ACOT7: variants seen among roughly 807,000 people sequenced by gnomAD.
ACOT7 encodes cytosolic acyl coenzyme A thioester hydrolase.
Under a neutral mutation model 40.2 loss-of-function variants are expected in ACOT7, and 12 were observed. That is an observed-to-expected ratio of 0.30 (90% CI 0.19 to 0.48). The LOEUF is 0.48. Among genes scored for constraint, ACOT7 ranks in the 20% least tolerant of loss-of-function variants. The probability of loss-of-function intolerance (pLI) is 0.99; values close to 1 mark genes in which losing one functional copy is unlikely to be tolerated. For missense variants in ACOT7, 395 were observed against 530.8 expected (o/e 0.74, Z 2.51); for synonymous variants, 228 against 219.5 (o/e 1.04, Z -0.34).
At chr1:6,390,316 A>G (rs1420454737) in intron 1 of ACOT7, among the ~76,000 whole-genome samples, 5 of 152,084 alleles carry the variant, frequency 3.3e-5, no homozygotes, top group Non-Finnish European at 7.4e-5. Context: ...CATGCCTGTA[A>G]TTCTCAGCAC....
chr1:6,361,104 G>A (rs1641883705), intron 1 of ACOT7, among the ~76,000 whole-genome samples: 3 of 152,116 alleles, frequency 2.0e-5, no homozygotes, highest in Admixed American at 2.0e-4. Context: ...CGGATGGGTA[G>A]GTAAACAAAA....
Position 6,336,129 on chromosome 1 carries a change from G to A in ACOT7, c.419-2561C>T, listed in dbSNP as rs568283557. On this transcript the variant is annotated intron_variant, in intron 3 of 8. Coordinates refer to ENST00000361521, the MANE Select transcript of ACOT7 (RefSeq NM_007274.4). ...TGGCAGGCCGAGGCAGGCGGATCAC[G>A]AGCTCAGAATCGAGACCATGCTGGC... Among the ~76,000 whole-genome samples, 30 of 152,140 alleles carry A rather than the reference G, an allele frequency of 2.0e-4. No homozygotes were observed. The South Asian group carries it at 2.5e-3, about 13-fold the overall frequency.
intron 6 of ACOT7, among the ~76,000 whole-genome samples, chr1:6,316,868 T>G (rs188572412): frequency 5.3e-5 from 8 of 152,122 alleles, no homozygotes; most frequent in Non-Finnish European, 7.4e-5. Flanking sequence ...CTCTCACTCA[T>G]GGAGTAAGTA....
chr1:6,309,860 A>G (rs1371125806), intron 6 of ACOT7, among the ~76,000 whole-genome samples: 1 of 152,262 alleles, frequency 6.6e-6, no homozygotes, highest in Non-Finnish European at 1.5e-5. Context: ...AAACTAATAA[A>G]GTAAATGTAA....
At chr1:6,336,122 G>A (rs918574630) in intron 3 of ACOT7, among the ~76,000 whole-genome samples, 25 of 152,176 alleles carry the variant, frequency 1.6e-4, no homozygotes, top group African/African-American at 5.8e-4. Flanking sequence ...CGAGGCAGGC[G>A]GATCACGAGC....
intron 1 of ACOT7, among the ~76,000 whole-genome samples, chr1:6,375,002 G>A (rs1211810243): frequency 2.0e-5 from 3 of 152,138 alleles, no homozygotes; most frequent in Non-Finnish European, 4.4e-5. Flanking sequence ...GACAGGCCGG[G>A]CGCGGTGGCT....
At chr1:6,320,664 G>A (rs1273131095) in intron 5 of ACOT7, among the ~76,000 whole-genome samples, 1 of 152,118 alleles carries the variant, frequency 6.6e-6, no homozygotes, top group African/African-American at 2.4e-5. Flanking sequence ...TTTCACACCC[G>A]CTGCAGGGCA....
chr1:6,362,851 A>T (rs1050907532), intron 1 of ACOT7, among the ~76,000 whole-genome samples: 1 of 151,944 alleles, frequency 6.6e-6, no homozygotes, highest in African/African-American at 2.4e-5. Flanking sequence ...GGAGCTGGAG[A>T]CTCTTCTAGG....
chr1:6,344,100 G>A (rs1325451392), intron 2 of ACOT7, among the ~76,000 whole-genome samples: 1 of 152,238 alleles, frequency 6.6e-6, no homozygotes, highest in Admixed American at 6.5e-5. Flanking sequence ...TGGTACCACA[G>A]GGAGAGGAAA....
At position 6,274,973 on chromosome 1, in the gene ACOT7, C is replaced by T. The variant is rs543137249; in HGVS notation, c.1014+6129G>A. On this transcript the variant is annotated intron_variant, in intron 8 of 8. Transcript: ENST00000361521. This position sits in a 1 kb window ranked among gnomAD's most constrained non-coding sequence, Gnocchi z 5.9. Reference sequence around the variant, plus strand: ...CATCGATGACAGCAGTGAGCGGCCCCCTTTCCCAGTCAGTGAAGTCACAGA... The same window carrying T: ...CATCGATGACAGCAGTGAGCGGCCCTCTTTCCCAGTCAGTGAAGTCACAGA... 4.6e-5 allele frequency among the ~76,000 whole-genome samples: 7 copies of T among 152,352 alleles called. No individual in the cohort carries two copies. Among genetic ancestry groups the T allele is most frequent in the African/African-American group, 1.4e-4 (6 of 41,586 alleles).
chr1:6,317,493 T>G (rs1450181164), intron 6 of ACOT7, among the ~76,000 whole-genome samples: 1 of 152,146 alleles, frequency 6.6e-6, no homozygotes, highest in Non-Finnish European at 1.5e-5. Flanking sequence ...CTGTACTTAC[T>G]GGGAAAAAAT....
At chr1:6,284,705 C>T (rs1269710668) in intron 7 of ACOT7, among the ~76,000 whole-genome samples, 1 of 152,098 alleles carries the variant, frequency 6.6e-6, no homozygotes, top group Non-Finnish European at 1.5e-5. Flanking sequence ...GGCCCCCCTG[C>T]AGCATCGAGG....
chr1:6,268,685 C>G (rs1022620439), intron 8 of ACOT7, among the ~76,000 whole-genome samples: 2 of 152,246 alleles, frequency 1.3e-5, no homozygotes, highest in South Asian at 2.1e-4. Context: ...CGGCACGGCC[C>G]GAACGGCAGG....
chr1:6,294,789 A>G lies in ACOT7; in HGVS notation c.829+75T>C. Reference sequence around the variant, plus strand: ...GGCCCACATGACCCTGGGTGTGAACAGAAAACAAACTGGTGCAGGGACCCA... The same window carrying G: ...GGCCCACATGACCCTGGGTGTGAACGGAAAACAAACTGGTGCAGGGACCCA... On this transcript the variant is annotated intron_variant, in intron 7 of 8. Coordinates refer to ENST00000361521, the MANE Select transcript of ACOT7 (RefSeq NM_007274.4). The surrounding 1 kb of genome is among the most constrained non-coding windows in gnomAD (Gnocchi z 4.6). The G allele has an allele frequency of 1.6e-6, 2 of 1,246,850 alleles. No homozygotes were observed. The highest frequency in any genetic ancestry group is 3.5e-5 in the Admixed American group (2 of 57,134). The allele number at this position is 1,246,850 out of a possible 1,614,324, so 77.2% of individuals were successfully genotyped here. A position where few individuals can be genotyped will look rare whatever the true frequency, so the allele number is the denominator to read the frequency against.
At position 6,355,859 on chromosome 1, in the gene ACOT7, T is replaced by C. The variant is rs1641729163; in HGVS notation, c.144-5993A>G. Among the ~76,000 whole-genome samples the C allele has an allele frequency of 6.6e-6, 1 of 151,904 alleles. No individual in the cohort carries two copies. The highest frequency in any genetic ancestry group is 2.1e-4 in the South Asian group (1 of 4,816). On this transcript the variant is annotated intron_variant, in intron 1 of 8. Transcript: ENST00000361521. This position sits in a 1 kb window ranked among gnomAD's most constrained non-coding sequence, Gnocchi z 5.0. ...AGCGGGAGTGAGGCGCCTGGAACAATTGAGGGGAGCCTGGCAGGGAGGGGA... is the reference window on the plus strand; with the variant it reads ...AGCGGGAGTGAGGCGCCTGGAACAACTGAGGGGAGCCTGGCAGGGAGGGGA...
chr1:6,321,854 A>G (rs1265220334), intron 5 of ACOT7, among the ~76,000 whole-genome samples: 2 of 152,216 alleles, frequency 1.3e-5, no homozygotes, highest in African/African-American at 4.8e-5. Context: ...TTCCCAGGTC[A>G]ATAAACAATA....
intron 8 of ACOT7, among the ~76,000 whole-genome samples, chr1:6,269,407 G>T (rs956027847): frequency 6.6e-6 from 1 of 151,810 alleles, no homozygotes; most frequent in Non-Finnish European, 1.5e-5. Context: ...CCAGGCGGGG[G>T]CCCTGCCCTG....
At chr1:6,384,924 G>A (rs1197645845) in intron 1 of ACOT7, among the ~76,000 whole-genome samples, 1 of 151,898 alleles carries the variant, frequency 6.6e-6, no homozygotes, top group African/African-American at 2.4e-5. Flanking sequence ...GAATTGTATG[G>A]CATGTGAACT....
rs1406690444 is a variant in ACOT7 at position 6,294,910 on chromosome 1, G to A, written c.783C>T (p.Val261=). The A allele has an allele frequency of 2.5e-6, 4 of 1,614,006 alleles. No homozygotes were observed. Among genetic ancestry groups the A allele is most frequent in the Non-Finnish European group, 2.5e-6 (3 of 1,180,032 alleles). Residue 261 remains valine, a synonymous_variant, in exon 7 of 9, where the codon GTC becomes GTT. Coordinates refer to ENST00000361521, the MANE Select transcript of ACOT7 (RefSeq NM_007274.4). The surrounding 1 kb of genome is among the most constrained non-coding windows in gnomAD (Gnocchi z 4.6). ...VAARHCKTNI[V]TASVDAINFH... is the part of the protein sequence containing the mutation. ...AATTAATGGCGTCCACGGAAGCTGT[G>A]ACGATGTTGGTCTTGCAGTGGCGTG... is the stretch of plus-strand genomic sequence containing the variant.
Sources: allele counts gnomAD v4.1 joint callset (sites outside exome capture counted in the v4.1 genomes callset), GRCh38; gene constraint gnomAD v4.1.1; non-coding constraint Gnocchi (gnomAD v3.1); transcripts MANE v1.5; gene names NCBI Gene and HGNC (gene_info 2026-07-23, HGNC 2026-07-21).